MGA: variants seen among roughly 807,000 people sequenced by gnomAD.
The protein encoded by MGA is MAX gene-associated protein.
Under a neutral mutation model 261.1 loss-of-function variants are expected in MGA, and 40 were observed. The observed-to-expected ratio is 0.15, with a 90% CI of 0.12 to 0.20. The LOEUF (loss-of-function observed/expected upper bound fraction) is 0.20, where lower values mean the gene tolerates loss of function less well. MGA is among the 10% of genes least tolerant of loss of function. The pLI is 1.00. For missense variants in MGA, 3,397 were observed against 3,630.5 expected (o/e 0.94, Z 1.65); for synonymous variants, 1,302 against 1,290.6 (o/e 1.01, Z -0.19).
At chr15:41,632,760 G>A (rs931599999) in intron 1 of MGA, among the ~76,000 whole-genome samples, 2 of 140,948 alleles carry the variant, frequency 1.4e-5, no homozygotes, top group African/African-American at 5.1e-5. Flanking sequence ...CCTGTAGGAG[G>A]TCTCCTTCCT....
chr15:41,707,791 A>C lies in MGA; in HGVS notation c.2252A>C (p.Gln751Pro), dbSNP rs771325633. 4.4e-5 allele frequency: 71 copies of C among 1,613,720 alleles called. No homozygotes were observed. Among genetic ancestry groups the C allele is most frequent in the Non-Finnish European group, 5.8e-5 (68 of 1,179,764 alleles). ...ATTGATCTTAAATACTTGGGAGTAC[A>C]GTTACCTTTGGCTCCAGCTACTAGC... The change falls in exon 6 of 24, where the codon CAG becomes CCG. Residue 751 changes from glutamine (Q) to proline (P), a missense_variant. Physicochemically the swap from Gln to Pro is moderately conservative, Grantham distance 76. This residue lies in a region of MGA where 19 missense variants were observed against 44.7 expected (regional missense o/e 0.43). Transcript: ENST00000219905.
chr15:41,632,549 CT>C (rs2056612756), intron 1 of MGA, among the ~76,000 whole-genome samples: 1 of 152,136 alleles, frequency 6.6e-6, no homozygotes, highest in Non-Finnish European at 1.5e-5. Context: ...CTCAGCATAC[CT>C]TACCGAAATG....
intron 9 of MGA, among the ~76,000 whole-genome samples, chr15:41,715,338 C>T (rs908011005): frequency 1.3e-5 from 2 of 151,338 alleles, no homozygotes; most frequent in Admixed American, 6.6e-5. Context: ...TTAGTAGAGA[C>T]GGGGTTTCAC....
chr15:41,671,914 T>C (rs1378298364), intron 2 of MGA, among the ~76,000 whole-genome samples: 1 of 152,236 alleles, frequency 6.6e-6, no homozygotes, highest in African/African-American at 2.4e-5. Flanking sequence ...TACTTTTTGC[T>C]GTGGTATTGT....
intron 5 of MGA, among the ~76,000 whole-genome samples, chr15:41,701,776 A>G (rs1315961654): frequency 1.3e-5 from 2 of 152,186 alleles, no homozygotes; most frequent in African/African-American, 4.8e-5. Flanking sequence ...AGCCAAACAA[A>G]AGGTGTCTGA....
intron 1 of MGA, among the ~76,000 whole-genome samples, chr15:41,637,286 T>G (rs1333594166): frequency 1.3e-5 from 2 of 152,204 alleles, no homozygotes; most frequent in Non-Finnish European, 2.9e-5. Context: ...TCGTATCATA[T>G]TGCCTTTGTC....
rs185897439 is a variant in MGA at position 41,678,194 on chromosome 15, G to T, written c.1064+8236G>T. ...CAACCTGTGCCTCCCAGGTTCAAGC[G>T]ATTCTCCTGCCTCAGCCTCCTGAGT... On this transcript the variant is annotated intron_variant, in intron 2 of 23. Coordinates refer to ENST00000219905, the MANE Select transcript of MGA (RefSeq NM_001164273.2). 1.4e-3 allele frequency among the ~76,000 whole-genome samples: 212 copies of T among 151,012 alleles called. 1 individual carries two copies. The highest frequency in any genetic ancestry group is 5.0e-3 in the African/African-American group (205 of 41,176).
intron 1 of MGA, among the ~76,000 whole-genome samples, chr15:41,633,800 C>T (rs1375687516): frequency 1.3e-5 from 2 of 152,124 alleles, no homozygotes; most frequent in African/African-American, 4.8e-5. Flanking sequence ...CCAGTCATAT[C>T]GTTCCTCTGC....
chr15:41,734,712 A>C, intron 12 of MGA, 118 bp downstream of exon 12: 1 of 762,410 alleles, frequency 1.3e-6, no homozygotes, highest in East Asian at 3.1e-5. Context: ...CCTGTTTCAA[A>C]CTTATGCCAA....
chr15:41,762,057 G>A (rs2063489313), intron 21 of MGA, 72 bp from the exon 22 acceptor site: 8 of 1,285,222 alleles, frequency 6.2e-6, no homozygotes, highest in Non-Finnish European at 8.7e-6. Flanking sequence ...AAAGCAACTA[G>A]ATTTCTGTTG....
chr15:41,638,800 C>T (rs1004606159), intron 1 of MGA, among the ~76,000 whole-genome samples: 12 of 150,334 alleles, frequency 8.0e-5, no homozygotes, highest in African/African-American at 2.4e-4. Flanking sequence ...GAGTGATTCT[C>T]CTACCTCAGC....
intron 1 of MGA, among the ~76,000 whole-genome samples, chr15:41,621,839 C>T (rs1386829729): frequency 6.6e-6 from 1 of 152,214 alleles, no homozygotes; most frequent in East Asian, 1.9e-4. Flanking sequence ...GCCCTGACGG[C>T]CTGAGCGGTC....
intron 2 of MGA, among the ~76,000 whole-genome samples, chr15:41,680,417 T>A (rs571919843): frequency 2.1e-4 from 32 of 152,148 alleles, no homozygotes; most frequent in Admixed American, 3.3e-4. Flanking sequence ...ATGCATTGAA[T>A]AAGAACCCAT....
intron 7 of MGA, 78 bp from the exon 8 acceptor site, chr15:41,710,613 G>C: frequency 5.9e-6 from 8 of 1,354,558 alleles, no homozygotes; most frequent in Non-Finnish European, 4.0e-6. Flanking sequence ...AATATTCTTG[G>C]CCATTTTTAG....
In MGA at chr15:41,696,233, A is replaced by T. The variant is rs779656353; in HGVS notation, c.1223A>T (p.Asp408Val). 2.5e-6 allele frequency: 4 copies of T among 1,613,880 alleles called. No homozygotes were observed. The East Asian group carries it at 8.9e-5, about 36-fold the overall frequency. ...GTCACTGTGAAACAGGAAGAGACAG[A>T]TGAAGAGACGGATGTATACTCAAAC... Residue 408 changes from aspartate to valine, a missense_variant, in exon 3 of 24, where the codon GAT (aspartate) becomes GTT (valine). By Grantham distance (152) the Asp-to-Val change is radical. Around this residue, in one of 9 missense-constraint regions of MGA, gnomAD observed 563 missense variants for 563.6 expected, o/e 1.00. Transcript: ENST00000219905.
intron 1 of MGA, 30 bp from the exon 2 acceptor site, chr15:41,668,798 G>T: frequency 2.2e-6 from 2 of 912,086 alleles, no homozygotes; most frequent in African/African-American, 1.6e-5. Flanking sequence ...GGTGTTTTTT[G>T]TTTTTGGTTT....
chr15:41,752,284 T>C (rs1372707226), intron 17 of MGA: 2 of 152,114 alleles, frequency 1.3e-5, no homozygotes, highest in Non-Finnish European at 2.9e-5. Flanking sequence ...AGTACCTCCA[T>C]TGTCTCATTT....
At chr15:41,656,342 T>TC (rs1226687966), upstream of MGA, among the ~76,000 whole-genome samples, 16 of 69,280 alleles carry the variant, frequency 2.3e-4, no homozygotes, top group South Asian at 2.1e-3. Context: ...CCCTCTCCTC[T>TC]CTTCTCTCTC....
chr15:41,710,210 T>C (rs1427985305), intron 7 of MGA, among the ~76,000 whole-genome samples: 2 of 152,196 alleles, frequency 1.3e-5, no homozygotes, highest in African/African-American at 2.4e-5. Flanking sequence ...GTTAAATACA[T>C]TGTTAGCACT....
Sources: gnomAD v4.1 joint callset for allele counts (sites outside exome capture counted in the v4.1 genomes callset) on GRCh38, gnomAD v4.1.1 for gene constraint, gnomAD v4.1.1 regional missense constraint, MANE v1.5 for transcripts, NCBI Gene and HGNC (gene_info 2026-07-23, HGNC 2026-07-21) for gene names.